Variants in SNPH observed in about 807,000 individuals in gnomAD.
SNPH encodes the protein syntaphilin.
In SNPH, 10 loss-of-function variants were observed where a neutral mutation model predicts 36.8. The ratio of observed to expected loss-of-function variants is 0.27; its 90% CI spans 0.17 to 0.46. SNPH has a LOEUF of 0.46. Among genes scored for constraint, SNPH ranks in the 20% least tolerant of loss-of-function variants. The pLI, the probability that SNPH is intolerant of heterozygous loss-of-function variation, is 1.00. For synonymous variants in SNPH, 281 were observed against 312.2 expected (o/e 0.90, Z 1.05); for missense variants, 622 against 744.0 (o/e 0.84, Z 1.91).
At chr20:1,279,476 G>A (rs1193516970) in intron 2 of SNPH, among the ~76,000 whole-genome samples, 3 of 152,176 alleles carry the variant, frequency 2.0e-5, no homozygotes, top group Non-Finnish European at 2.9e-5. Context: ...TAAGTTCTTT[G>A]TTAAATATAT....
chr20:1,290,250 G>C (rs929786854), intron 2 of SNPH, among the ~76,000 whole-genome samples: 2 of 151,702 alleles, frequency 1.3e-5, no homozygotes, highest in South Asian at 2.1e-4. Context: ...GTACAATTCA[G>C]GGATTTTAGG....
In SNPH at chr20:1,308,836, G is replaced by A. The variant is rs1463794210; in HGVS notation, c.*2782G>A. On this transcript the variant is annotated 3_prime_UTR_variant, in exon 7 of 7. Coordinates refer to ENST00000381867, the MANE Select transcript of SNPH (RefSeq NM_001318234.2). Reference sequence around the variant, plus strand: ...ACCACCTTCTGGAGCCTAGCGGCCAGACGTGGCTTCTCCTGAGTTCTAGGG... The same window carrying A: ...ACCACCTTCTGGAGCCTAGCGGCCAAACGTGGCTTCTCCTGAGTTCTAGGG... The A allele has an allele frequency of 6.6e-6, 1 of 152,284 alleles. No individual in the cohort carries two copies. Among genetic ancestry groups the A allele is most frequent in the East Asian group, 1.9e-4 (1 of 5,194 alleles). 9.4% of individuals were successfully genotyped at this position (152,284 alleles called of 1,614,324 possible). A position where few individuals can be genotyped will look rare whatever the true frequency, so the allele number is the denominator to read the frequency against.
In SNPH at chr20:1,296,195, GC is replaced by G; in HGVS notation, c.-42del. On this transcript the variant is annotated 5_prime_UTR_variant, in exon 4 of 7. Coordinates refer to ENST00000381867, the MANE Select transcript of SNPH (RefSeq NM_001318234.2). The stretch of plus-strand genomic sequence containing the variant: ...GGTGGAGGCAGCCGTGGTCTGCCAG[GC>G]CCTCGCTCCTGGGGTGTCCTGCCGA... The G allele has an allele frequency of 6.9e-7, 1 of 1,453,368 alleles. No homozygotes were observed. Among genetic ancestry groups the G allele is most frequent in the East Asian group, 2.7e-5 (1 of 37,152 alleles). 90.0% of individuals were successfully genotyped at this position (1,453,368 alleles called of 1,614,324 possible).
At chr20:1,271,198 C>T (rs1261853837) in intron 2 of SNPH, among the ~76,000 whole-genome samples, 3 of 152,234 alleles carry the variant, frequency 2.0e-5, no homozygotes, top group African/African-American at 7.2e-5. Context: ...GGGTCCTCAC[C>T]CCAGCTCTGC....
intron 2 of SNPH, among the ~76,000 whole-genome samples, chr20:1,287,656 C>A (rs909109653): frequency 9.2e-5 from 14 of 152,066 alleles, no homozygotes; most frequent in African/African-American, 3.4e-4. Context: ...GGGGTAAATG[C>A]CAGGGGATTA....
intron 4 of SNPH, among the ~76,000 whole-genome samples, chr20:1,296,754 GCTC>G (rs1448433256): frequency 1.3e-5 from 2 of 152,210 alleles, no homozygotes; most frequent in South Asian, 2.1e-4. Flanking sequence ...TACCCCCGAG[GCTC>G]CTCCTCCTGT....
intron 2 of SNPH, among the ~76,000 whole-genome samples, chr20:1,287,275 C>T (rs2088295169): frequency 6.6e-6 from 1 of 152,208 alleles, no homozygotes; most frequent in Admixed American, 6.5e-5. Context: ...CTTCCCTGGG[C>T]CTCTGTTTCA....
At chr20:1,272,372 G>C (rs1299728630) in intron 2 of SNPH, among the ~76,000 whole-genome samples, 2 of 152,206 alleles carry the variant, frequency 1.3e-5, no homozygotes, top group African/African-American at 4.8e-5. Context: ...TGTCTACAAA[G>C]GTAAAACAGG....
At chr20:1,273,225 A>C (rs1186183116) in intron 2 of SNPH, among the ~76,000 whole-genome samples, 2 of 152,132 alleles carry the variant, frequency 1.3e-5, no homozygotes, top group Admixed American at 1.3e-4. Flanking sequence ...TCTGGTTGCA[A>C]AGAGAGCCTA....
intron 2 of SNPH, among the ~76,000 whole-genome samples, chr20:1,275,987 T>G (rs527804784): frequency 6.6e-6 from 1 of 152,316 alleles, no homozygotes; most frequent in African/African-American, 2.4e-5. Flanking sequence ...ACACTGTCTT[T>G]CAGGGGACCC....
chr20:1,278,180 GTGTATCTGTGTCTC>G (rs1280394397), intron 2 of SNPH, among the ~76,000 whole-genome samples: 2 of 151,028 alleles, frequency 1.3e-5, no homozygotes, highest in East Asian at 1.9e-4. Flanking sequence ...GTCTGTGTGT[GTGTATCTGTGTCTC>G]TGTGTCAGTG....
chr20:1,268,355 C>A (rs1309546411), intron 2 of SNPH, among the ~76,000 whole-genome samples: 3 of 152,230 alleles, frequency 2.0e-5, no homozygotes, highest in African/African-American at 7.2e-5. Flanking sequence ...ATGAATCCCA[C>A]TGTGGCTCTC....
In SNPH at chr20:1,294,567, G is replaced by A. The variant is rs545880054; in HGVS notation, c.-492-384G>A. ...GGGGCAAGAAGCTCAGGTGACAGGT[G>A]TGGTGTCGGCAGGTCCTGCAGCCCA... On this transcript the variant is annotated intron_variant, in intron 2 of 6. Transcript: ENST00000381867. This position sits in a 1 kb window ranked among gnomAD's most constrained non-coding sequence, Gnocchi z 4.4. Among the ~76,000 whole-genome samples the A allele has an allele frequency of 1.6e-4, 24 of 152,336 alleles. 1 individual carries two copies. In the South Asian group the frequency reaches 4.1e-3, roughly 26 times the overall value.
Position 1,285,429 on chromosome 20 carries a change from G to A in SNPH, c.-492-9522G>A, listed in dbSNP as rs774472903. ...TATTTCAGATTAAGATTTTGGACAGGGAGAAAGATGTAATATACATGAATA... is the reference window on the plus strand; with the variant it reads ...TATTTCAGATTAAGATTTTGGACAGAGAGAAAGATGTAATATACATGAATA... On this transcript the variant is annotated intron_variant, in intron 2 of 6. Coordinates refer to ENST00000381867, the MANE Select transcript of SNPH (RefSeq NM_001318234.2). This position sits in a 1 kb window ranked among gnomAD's most constrained non-coding sequence, Gnocchi z 4.9. Among the ~76,000 whole-genome samples the A allele has an allele frequency of 1.1e-4, 16 of 152,068 alleles. No individual in the cohort carries two copies. Among genetic ancestry groups the A allele is most frequent in the Non-Finnish European group, 1.9e-4 (13 of 68,012 alleles).
chr20:1,288,652 C>T (rs2122343887), intron 2 of SNPH, among the ~76,000 whole-genome samples: 1 of 149,846 alleles, frequency 6.7e-6, no homozygotes, highest in South Asian at 2.1e-4. Flanking sequence ...ATGGAGTCTC[C>T]ACTCTGTCGC....
intron 2 of SNPH, among the ~76,000 whole-genome samples, chr20:1,267,378 A>G (rs1034309612): frequency 1.3e-5 from 2 of 151,946 alleles, no homozygotes; most frequent in Non-Finnish European, 2.9e-5. Flanking sequence ...CCCTTCCCCA[A>G]CCCTGCAGAC....
intron 6 of SNPH, among the ~76,000 whole-genome samples, chr20:1,303,043 C>T (rs997304872): frequency 3.3e-5 from 5 of 152,234 alleles, no homozygotes; most frequent in Non-Finnish European, 7.3e-5. Flanking sequence ...TGTGCTAACA[C>T]CTTGACTCCC....
At position 1,304,887 on chromosome 20, in the gene SNPH, G is replaced by A; in HGVS notation, c.450G>A (p.Glu150=). 2 of 1,612,868 alleles carry A rather than the reference G, an allele frequency of 1.2e-6. No individual in the cohort carries two copies. Among genetic ancestry groups the A allele is most frequent in the Admixed American group, 3.3e-5 (2 of 59,996 alleles). Residue 150 remains glutamate (E), a synonymous_variant, in exon 7 of 7, where the codon GAG becomes GAA. Coordinates refer to ENST00000381867, the MANE Select transcript of SNPH (RefSeq NM_001318234.2). This position sits in a 1 kb window ranked among gnomAD's most constrained non-coding sequence, Gnocchi z 4.3. ...TQDRLQDRDT[E]IDDLKTQLSR... ...TCTCCTCGGCTCGCAGGGACACAGA[G>A]ATTGATGACCTGAAGACGCAGCTGT...
Position 1,266,494 on chromosome 20 carries a change from G to GCAACCGCTCGCTGC in SNPH, c.-600+97_-600+98insCAACCGCTCGCTGC. The GCAACCGCTCGCTGC allele has an allele frequency of 1.8e-6, 2 of 1,089,826 alleles. No homozygotes were observed. Among genetic ancestry groups the GCAACCGCTCGCTGC allele is most frequent in the Non-Finnish European group, 2.4e-6 (2 of 821,424 alleles). 67.5% of individuals were successfully genotyped at this position (1,089,826 alleles called of 1,614,324 possible). A position where few individuals can be genotyped will look rare whatever the true frequency, so the allele number is the denominator to read the frequency against. Reference sequence around the variant, plus strand: ...TGCCAGGGGGTGGGGTGGGGGCCGCGGGCCGCGAGGAGGAGGGGACGGAGC... The same window carrying GCAACCGCTCGCTGC: ...TGCCAGGGGGTGGGGTGGGGGCCGCGCAACCGCTCGCTGCGGCCGCGAGGAGGAGGGGACGGAGC... On this transcript the variant is annotated intron_variant, in intron 1 of 6. Transcript: ENST00000381867. This position sits in a 1 kb window ranked among gnomAD's most constrained non-coding sequence, Gnocchi z 6.0.
Sources: allele counts gnomAD v4.1 joint callset (sites outside exome capture counted in the v4.1 genomes callset), GRCh38; gene constraint gnomAD v4.1.1; non-coding constraint Gnocchi (gnomAD v3.1); transcripts MANE v1.5; gene names NCBI Gene and HGNC (gene_info 2026-07-23, HGNC 2026-07-21).